Variants in LYPD6 observed in about 807,000 individuals in gnomAD.
LYPD6 encodes ly6/PLAUR domain-containing protein 6.
LYPD6 carries 15 observed loss-of-function variants against 22.7 expected under a neutral mutation model. That is an observed-to-expected ratio of 0.66 (90% CI 0.44 to 1.02). LYPD6 has a LOEUF of 1.02. Among genes scored for constraint, LYPD6 ranks in the 50% least tolerant of loss-of-function variants. The probability of loss-of-function intolerance (pLI) is 0.00; values close to 1 mark genes in which losing one functional copy is unlikely to be tolerated. For missense variants in LYPD6, 189 were observed against 208.4 expected (o/e 0.91, Z 0.57); for synonymous variants, 72 against 77.5 (o/e 0.93, Z 0.37).
intron 1 of LYPD6, among the ~76,000 whole-genome samples, chr2:149,413,972 A>C (rs944274928): frequency 2.6e-5 from 4 of 152,226 alleles, no homozygotes; most frequent in Admixed American, 6.5e-5. Flanking sequence ...ATACTGGCCA[A>C]AGGGTGGCCA....
chr2:149,396,955 G>A (rs1682439735), intron 1 of LYPD6, among the ~76,000 whole-genome samples: 1 of 152,072 alleles, frequency 6.6e-6, no homozygotes, highest in African/African-American at 2.4e-5. Context: ...CTTATTATTT[G>A]CATATAACCT....
intron 1 of LYPD6, among the ~76,000 whole-genome samples, chr2:149,406,633 C>T (rs369832560): frequency 5.3e-5 from 8 of 152,278 alleles, no homozygotes; most frequent in Admixed American, 2.6e-4. Context: ...TGTCTCTGCA[C>T]GTGAGATGGG....
chr2:149,450,200 G>A (rs1683776660), intron 3 of LYPD6, among the ~76,000 whole-genome samples: 1 of 152,190 alleles, frequency 6.6e-6, no homozygotes, highest in Non-Finnish European at 1.5e-5. Flanking sequence ...AGCTTCAGCA[G>A]CAGCATCATT....
chr2:149,409,370 G>A (rs561894475), intron 1 of LYPD6, among the ~76,000 whole-genome samples: 16 of 152,270 alleles, frequency 1.1e-4, no homozygotes, highest in African/African-American at 3.9e-4. Context: ...CACTGATTTT[G>A]TGTTGGTTAG....
chr2:149,449,026 T>G, intron 2 of LYPD6, 23 bp from the exon 3 acceptor site: 1 of 1,557,110 alleles, frequency 6.4e-7, no homozygotes, highest in South Asian at 1.1e-5. Flanking sequence ...AAATTAATCT[T>G]TTCTCTTAAT....
the LYPD6 span, among the ~76,000 whole-genome samples, chr2:149,484,668 G>C: frequency 1.3e-5 from 2 of 152,098 alleles, no homozygotes; most frequent in African/African-American, 2.4e-5. Flanking sequence ...AATAAGCAAG[G>C]ATTAGAAATG....
chr2:149,366,368 A>G (rs1681665283), intron 1 of LYPD6, among the ~76,000 whole-genome samples: 1 of 152,210 alleles, frequency 6.6e-6, no homozygotes, highest in Admixed American at 6.5e-5. Context: ...GATAAGGGCC[A>G]TTCCATGCTG....
chr2:149,369,820 T>C (rs1681765649), intron 1 of LYPD6, among the ~76,000 whole-genome samples: 2 of 151,826 alleles, frequency 1.3e-5, no homozygotes, highest in South Asian at 2.1e-4. Context: ...TGAAAAGAAG[T>C]GGGAAATTGT....
intron 2 of LYPD6, among the ~76,000 whole-genome samples, chr2:149,447,888 C>T (rs1683722918): frequency 6.6e-6 from 1 of 152,146 alleles, no homozygotes; most frequent in South Asian, 2.1e-4. Flanking sequence ...ATAATCCCAG[C>T]AGTTTGGGAG....
chr2:149,378,633 A>G (rs1001368798), intron 1 of LYPD6, among the ~76,000 whole-genome samples: 1 of 152,200 alleles, frequency 6.6e-6, no homozygotes, highest in African/African-American at 2.4e-5. Flanking sequence ...GAGAGTTTGC[A>G]GAAGATGAAA....
At chr2:149,460,984 A>C (rs1165734754) in intron 3 of LYPD6, among the ~76,000 whole-genome samples, 1 of 152,066 alleles carries the variant, frequency 6.6e-6, no homozygotes, top group Admixed American at 6.5e-5. Flanking sequence ...AACAATGCTG[A>C]GGCCGAAATT....
At chr2:149,405,653 T>C (rs1559140246) in intron 1 of LYPD6, among the ~76,000 whole-genome samples, 2 of 152,370 alleles carry the variant, frequency 1.3e-5, no homozygotes, top group Non-Finnish European at 2.9e-5. Flanking sequence ...GCTAGTGGTC[T>C]ATCAATTTTG....
chr2:149,445,051 C>G (rs1683655872), intron 2 of LYPD6, among the ~76,000 whole-genome samples: 1 of 152,214 alleles, frequency 6.6e-6, no homozygotes, highest in African/African-American at 2.4e-5. Flanking sequence ...GATCCATCAA[C>G]TACAGGAGGG....
In LYPD6 at chr2:149,423,740, G is replaced by A. The variant is rs1264015566; in HGVS notation, c.-71-13898G>A. Among the ~76,000 whole-genome samples the A allele has an allele frequency of 1.5e-4, 18 of 121,544 alleles. No individual in the cohort carries two copies. The South Asian group carries it at 2.4e-3, about 16-fold the overall frequency. 79.7% of individuals were successfully genotyped at this position (121,544 alleles called of 152,430 possible). A position where few individuals can be genotyped will look rare whatever the true frequency, so the allele number is the denominator to read the frequency against. On this transcript the variant is annotated intron_variant, in intron 1 of 4. Transcript: ENST00000334166. ...CAGAAAACTAGACTAGTTAATAGAC[G>A]TTCATTAAAAAATAAGCTCTCTGCC...
intron 1 of LYPD6, among the ~76,000 whole-genome samples, chr2:149,406,021 A>G (rs1682697130): frequency 6.6e-6 from 1 of 150,378 alleles, no homozygotes; most frequent in African/African-American, 2.5e-5. Flanking sequence ...CAGGTTGTTC[A>G]GTTTCCATGT....
At chr2:149,450,015 A>C (rs1683772735) in intron 3 of LYPD6, among the ~76,000 whole-genome samples, 1 of 152,184 alleles carries the variant, frequency 6.6e-6, no homozygotes, top group Non-Finnish European at 1.5e-5. Context: ...CCTCTTGTGG[A>C]GGATTGGAAA....
At position 149,443,930 on chromosome 2, in the gene LYPD6, CTT is replaced by C. The variant is rs766245738; in HGVS notation, c.119-5099_119-5098del. ...TATGTCTAAAAAACAATGTGCATATCTTTTTTTTTTTTTTTTTTTTTGAGGCA... is the reference window on the plus strand; with the variant it reads ...TATGTCTAAAAAACAATGTGCATATCTTTTTTTTTTTTTTTTTTTGAGGCA... On this transcript the variant is annotated intron_variant, in intron 2 of 4. Coordinates refer to ENST00000334166, the MANE Select transcript of LYPD6 (RefSeq NM_194317.5). Among the ~76,000 whole-genome samples, 1,076 of 114,040 alleles carry C rather than the reference CTT, an allele frequency of 9.4e-3. 6 individuals are homozygous for C. Among genetic ancestry groups the C allele is most frequent in the African/African-American group, 0.035 (1,015 of 29,360 alleles). 74.8% of individuals were successfully genotyped at this position (114,040 alleles called of 152,430 possible).
intron 1 of LYPD6, among the ~76,000 whole-genome samples, chr2:149,384,439 C>T (rs1682134632): frequency 6.6e-6 from 1 of 152,190 alleles, no homozygotes; most frequent in African/African-American, 2.4e-5. Context: ...GGATGTGTCT[C>T]CTCCAAGTTG....
chr2:149,464,060 A>G, intron 3 of LYPD6: 1 of 402,992 alleles, frequency 2.5e-6, no homozygotes, highest in South Asian at 1.9e-5. Flanking sequence ...TATTATTAAT[A>G]TTCCTTACAA....
Sources: gnomAD v4.1 joint callset for allele counts (sites outside exome capture counted in the v4.1 genomes callset) on GRCh38, gnomAD v4.1.1 for gene constraint, MANE v1.5 for transcripts, NCBI Gene and HGNC (gene_info 2026-07-23, HGNC 2026-07-21) for gene names.